Variants in SNX8 observed in about 807,000 individuals in gnomAD.
The protein encoded by SNX8 is sorting nexin-8.
In SNX8, 25 loss-of-function variants were observed where a neutral mutation model predicts 51.6. The observed-to-expected ratio is 0.48, with a 90% CI of 0.35 to 0.68. The LOEUF is 0.68. Ranked by LOEUF, SNX8 falls within the 30% of genes least tolerant of loss-of-function variation. The pLI is 0.00. For missense variants in SNX8, 695 were observed against 624.0 expected (o/e 1.11, Z -1.21); for synonymous variants, 324 against 277.0 (o/e 1.17, Z -1.68).
chr7:2,289,482 C>T (rs1356948272), intron 1 of SNX8, among the ~76,000 whole-genome samples: 3 of 152,234 alleles, frequency 2.0e-5, no homozygotes, highest in Non-Finnish European at 2.9e-5. Flanking sequence ...TCCGTCTTCC[C>T]TCATTCCAGG....
intron 1 of SNX8, among the ~76,000 whole-genome samples, chr7:2,337,813 T>C (rs563943454): frequency 7.8e-4 from 81 of 103,338 alleles, no homozygotes; most frequent in Middle Eastern, 0.011. Context: ...TAATTAGGAA[T>C]ATAAAGGAAC....
At chr7:2,291,045 G>A (rs1796139403) in intron 1 of SNX8, among the ~76,000 whole-genome samples, 1 of 152,152 alleles carries the variant, frequency 6.6e-6, no homozygotes, top group Non-Finnish European at 1.5e-5. Context: ...TGCAATCCCA[G>A]AACTTTGGGA....
intron 1 of SNX8, among the ~76,000 whole-genome samples, chr7:2,351,138 C>G (rs1779129607): frequency 6.6e-6 from 1 of 151,610 alleles, no homozygotes; most frequent in Admixed American, 6.6e-5. Flanking sequence ...AGAAAAAAAT[C>G]TACCCCTGGA....
intron 2 of SNX8, among the ~76,000 whole-genome samples, chr7:2,275,757 G>A (rs1468665530): frequency 6.6e-6 from 1 of 151,888 alleles, no homozygotes; most frequent in African/African-American, 2.4e-5. Flanking sequence ...CCAGCACTTT[G>A]GGAGGCCGAG....
rs1282427825 is a variant in SNX8, at chr7:2,278,200, G to A, written c.200C>T (p.Thr67Ile). 6.2e-7 allele frequency: 1 copy of A among 1,613,846 alleles called. No homozygotes were observed. The change falls in exon 2 of 11, where the codon ACC (threonine) becomes ATC (isoleucine). Residue 67 changes from threonine (T) to isoleucine (I), a missense_variant. Thr to Ile is a moderately conservative substitution (Grantham distance 89). Transcript: ENST00000222990. ...PQGNPLLLSH[T>I]LQELLARDTV... is the part of the protein sequence containing the mutation. ...GTCCCTGGCCAGCAGCTCCTGCAGG[G>A]TGTGGGACAGCAGCAGCGGGTTCCC...
At chr7:2,348,387 C>G (rs1222799389) in intron 1 of SNX8, among the ~76,000 whole-genome samples, 9 of 140,286 alleles carry the variant, frequency 6.4e-5, no homozygotes, top group Non-Finnish European at 1.2e-4. Flanking sequence ...GTCGCCCAGG[C>G]TGGAGTGCAG....
chr7:2,333,677 T>C (rs1019055198), intron 1 of SNX8, among the ~76,000 whole-genome samples: 5 of 152,332 alleles, frequency 3.3e-5, no homozygotes, highest in South Asian at 2.1e-4. Context: ...CACTCACATA[T>C]GGTTAATTGA....
At chr7:2,264,595 C>A in intron 5 of SNX8, 137 bp from the exon 6 acceptor site, 1 of 671,714 alleles carries the variant, frequency 1.5e-6, no homozygotes, top group Non-Finnish European at 2.5e-6. Flanking sequence ...CCCACTCCTC[C>A]AGGCCTGCAG....
At chr7:2,335,493 A>G (rs1169923366) in intron 1 of SNX8, among the ~76,000 whole-genome samples, 1 of 151,880 alleles carries the variant, frequency 6.6e-6, no homozygotes, top group African/African-American at 2.4e-5. Context: ...AATAAAAAAA[A>G]GAAAGAAACA....
At chr7:2,281,432 G>GAA (rs939627393) in intron 1 of SNX8, among the ~76,000 whole-genome samples, 6 of 137,850 alleles carry the variant, frequency 4.4e-5, no homozygotes, top group Non-Finnish European at 9.5e-5. Context: ...AAACAAAAAG[G>GAA]AAAAAAAAAA....
chr7:2,300,804 A>G (rs1191833724), intron 1 of SNX8, among the ~76,000 whole-genome samples: 1 of 151,890 alleles, frequency 6.6e-6, no homozygotes, highest in Non-Finnish European at 1.5e-5. Context: ...CACCACGCCC[A>G]GCTAATTTTT....
chr7:2,324,862 G>A (rs1170706892), intron 1 of SNX8, among the ~76,000 whole-genome samples: 1 of 152,186 alleles, frequency 6.6e-6, no homozygotes, highest in Non-Finnish European at 1.5e-5. Context: ...CCGGAGTGCA[G>A]TGGTAGGATC....
chr7:2,336,751 T>C (rs1348159678), intron 1 of SNX8, among the ~76,000 whole-genome samples: 2 of 151,524 alleles, frequency 1.3e-5, no homozygotes, highest in South Asian at 4.2e-4. Context: ...TCACCCCTGT[T>C]ATCCCAGCTG....
At position 2,331,964 on chromosome 7, in the gene SNX8, G is replaced by C. The variant is rs10282235; in HGVS notation, c.-66+22258C>G. On this transcript the variant is annotated intron_variant, in intron 1 of 5. Coordinates refer to the SNX8 transcript ENST00000435336. ...CTCAGTCCTGCAATCCCAGCACTTT[G>C]AGAAGGAAGGCAGGAGGATGGCTTG... 1.5e-3 allele frequency among the ~76,000 whole-genome samples: 225 copies of C among 152,136 alleles called. 1 individual carries two copies. The highest frequency in any genetic ancestry group is 5.0e-3 in the African/African-American group (206 of 41,528).
rs1216995844 is a variant in SNX8 at position 2,264,378 on chromosome 7, C to G, written c.702G>C (p.Lys234Asn). 1.9e-6 allele frequency: 3 copies of G among 1,612,994 alleles called. No homozygotes were observed. Among genetic ancestry groups the G allele is most frequent in the Admixed American group, 3.3e-5 (2 of 60,028 alleles). The change falls in exon 6 of 11, where the codon AAG becomes AAC. Residue 234 changes from lysine to asparagine, a missense_variant. Lys to Asn is a moderately conservative substitution (Grantham distance 94, BLOSUM62 0). Transcript: ENST00000222990. ...CGATCCGCTCGGCCCTGTCGCGAAGCTTGTGAAAGCTATTGTAGATGTTCC... is the reference window on the plus strand; with the variant it reads ...CGATCCGCTCGGCCCTGTCGCGAAGGTTGTGAAAGCTATTGTAGATGTTCC... Reference protein sequence around the residue: ...LIRNIYNSFHKLRDRAERIAS... With the variant: ...LIRNIYNSFHNLRDRAERIAS...
chr7:2,298,268 C>T (rs1796316064), intron 1 of SNX8, among the ~76,000 whole-genome samples: 1 of 151,996 alleles, frequency 6.6e-6, no homozygotes, highest in African/African-American at 2.4e-5. Context: ...CAGGCCTGCC[C>T]CATCATGTGC....
In SNX8 at chr7:2,257,355, C is replaced by T. The variant is rs200236852; in HGVS notation, c.1134+10G>A. 11 of 1,601,662 alleles carry T rather than the reference C, an allele frequency of 6.9e-6. No homozygotes were observed. Among genetic ancestry groups the T allele is most frequent in the African/African-American group, 4.0e-5 (3 of 74,944 alleles). Reference sequence around the variant, plus strand: ...CTCCCACGGGCCTGCTCGGCCGCCCCGCCACCCACCTCCACAATGCGGGAC... The same window carrying T: ...CTCCCACGGGCCTGCTCGGCCGCCCTGCCACCCACCTCCACAATGCGGGAC... On this transcript the variant is annotated intron_variant, in intron 9 of 10. Transcript: ENST00000222990.
At chr7:2,353,771 C>T (rs918324415) in intron 1 of SNX8, among the ~76,000 whole-genome samples, 1 of 152,010 alleles carries the variant, frequency 6.6e-6, no homozygotes, top group Non-Finnish European at 1.5e-5. Flanking sequence ...ATTTAATTTT[C>T]GTAGAGATGA....
intron 1 of SNX8, among the ~76,000 whole-genome samples, chr7:2,343,752 C>T (rs1258476136): frequency 6.6e-6 from 1 of 152,098 alleles, no homozygotes; most frequent in East Asian, 1.9e-4. Flanking sequence ...AATGCAGTGG[C>T]TCACACCTGT....
Sources: gnomAD v4.1 joint callset for allele counts (sites outside exome capture counted in the v4.1 genomes callset) on GRCh38, gnomAD v4.1.1 for gene constraint, MANE v1.5 for transcripts, NCBI Gene and HGNC (gene_info 2026-07-23, HGNC 2026-07-21) for gene names.